Variants in KIF20A observed in about 807,000 individuals in gnomAD.
The protein encoded by KIF20A is kinesin family member 20A, also known as kinesin-like protein KIF20A.
In KIF20A, 66 loss-of-function variants were observed where a neutral mutation model predicts 113.0. The observed-to-expected ratio is 0.58, with a 90% confidence interval of 0.48 to 0.72. The LOEUF (loss-of-function observed/expected upper bound fraction) is 0.72, where lower values mean the gene tolerates loss of function less well. KIF20A is among the 30% of genes least tolerant of loss of function. The pLI, the probability that KIF20A is intolerant of heterozygous loss-of-function variation, is 0.00. For missense variants in KIF20A, 927 were observed against 1,077.6 expected (o/e 0.86, Z 1.96); for synonymous variants, 376 against 402.3 (o/e 0.93, Z 0.78).
In KIF20A at chr5:138,187,493, T is replaced by C; in HGVS notation, c.*80T>C. 1.7e-6 allele frequency: 2 copies of C among 1,144,760 alleles called. No homozygotes were observed. The highest frequency in any genetic ancestry group is 1.6e-5 in the South Asian group (1 of 62,534). The allele number at this position is 1,144,760 out of a possible 1,614,324, so 70.9% of individuals were successfully genotyped here. A position where few individuals can be genotyped will look rare whatever the true frequency, so the allele number is the denominator to read the frequency against. On this transcript the variant is annotated 3_prime_UTR_variant, in exon 19 of 19. Coordinates refer to ENST00000394894, the MANE Select transcript of KIF20A (RefSeq NM_005733.3). ...CTGAAGAAATAGGTCTCTTTTATGC[T>C]TTACCATATATCAGGAATTATATCC...
intron 2 of KIF20A, among the ~76,000 whole-genome samples, 180 bp downstream of exon 2, chr5:138,180,025 G>A (rs1747508178): frequency 6.6e-6 from 1 of 152,056 alleles, no homozygotes; most frequent in Non-Finnish European, 1.5e-5. Context: ...TTAAGGGCAT[G>A]ACAAGTAAAA....
At chr5:138,184,456 A>C in intron 12 of KIF20A, 52 bp downstream of exon 12, 1 of 1,612,244 alleles carries the variant, frequency 6.2e-7, no homozygotes, top group Non-Finnish European at 8.5e-7. Context: ...GGTAACTCTA[A>C]GAAAGCTCCT....
chr5:138,184,316 G>A lies in KIF20A; in HGVS notation c.1430G>A (p.Arg477His), dbSNP rs752101862. 36 of 1,614,144 alleles carry A rather than the reference G, an allele frequency of 2.2e-5. No homozygotes were observed. Among genetic ancestry groups the A allele is most frequent in the Non-Finnish European group, 2.8e-5 (33 of 1,180,018 alleles). ...CAAGGTTTCTTCACAGGCCGAGGCC[G>A]TTCCTGCATGATTGTCAATGTGAAT... Reference protein sequence around the residue: ...VFQGFFTGRGRSCMIVNVNPC... With the variant: ...VFQGFFTGRGHSCMIVNVNPC... The change falls in exon 12 of 19, where the codon CGT (arginine) becomes CAT (histidine). Residue 477 changes from arginine to histidine, a missense_variant. Physicochemically the swap from Arg to His is conservative, Grantham distance 29. Coordinates refer to ENST00000394894, the MANE Select transcript of KIF20A (RefSeq NM_005733.3).
Position 138,182,713 on chromosome 5 carries a change from C to G in KIF20A, c.642C>G (p.Ser214Arg), listed in dbSNP as rs541651528. Reference sequence around the variant, plus strand: ...CCAATGAGGTAATCTGGCTAGACAGCAAGCAGATCCGACAGGAGGAAATGA... The same window carrying G: ...CCAATGAGGTAATCTGGCTAGACAGGAAGCAGATCCGACAGGAGGAAATGA... ...LLSNEVIWLD[S>R]KQIRQEEMKK... The change falls in exon 6 of 19, where the codon AGC becomes AGG. Residue 214 changes from serine to arginine, a missense_variant. Ser to Arg is a moderately radical substitution (Grantham distance 110). Transcript: ENST00000394894. The G allele has an allele frequency of 6.2e-7, 1 of 1,614,050 alleles. No homozygotes were observed. The highest frequency in any genetic ancestry group is 1.3e-5 in the African/African-American group (1 of 75,028).
At position 138,183,415 on chromosome 5, in the gene KIF20A, A is replaced by G. The variant is rs1051651050; in HGVS notation, c.1027+52A>G. On this transcript the variant is annotated intron_variant, in intron 8 of 18. Transcript: ENST00000394894. This position sits in a 1 kb window ranked among gnomAD's most constrained non-coding sequence, Gnocchi z 5.2. ...TGAACCCTGGAGGGCAACTGGGGAG[A>G]GACTGGCAAAAGAGTTGGATGTTCC... The G allele has an allele frequency of 1.2e-6, 2 of 1,612,280 alleles. No individual in the cohort carries two copies. The highest frequency in any genetic ancestry group is 1.7e-6 in the Non-Finnish European group (2 of 1,178,404).
intron 11 of KIF20A, 47 bp from the exon 12 acceptor site, chr5:138,184,192 G>C: frequency 1.2e-6 from 2 of 1,611,114 alleles, no homozygotes; most frequent in Non-Finnish European, 1.7e-6. Context: ...GATACCCAAA[G>C]GGCTGGTGTT....
chr5:138,184,220 A>C lies in KIF20A; in HGVS notation c.1353-19A>C. ...CTGGTGTTCTGCTCACAGCTCTATT[A>C]TCTCTGATTCTCTGCCAGGTCAAAG... On this transcript the variant is annotated intron_variant, in intron 11 of 18. Coordinates refer to ENST00000394894, the MANE Select transcript of KIF20A (RefSeq NM_005733.3). 1 of 1,613,660 alleles carries C rather than the reference A, an allele frequency of 6.2e-7. No individual in the cohort carries two copies. The highest frequency in any genetic ancestry group is 8.5e-7 in the Non-Finnish European group (1 of 1,179,722).
At chr5:138,182,808 G>A in intron 6 of KIF20A, 35 bp downstream of exon 6, 2 of 1,613,586 alleles carry the variant, frequency 1.2e-6, no homozygotes, top group Non-Finnish European at 1.7e-6. Context: ...TGGGGGTAGG[G>A]GGTACAAATC....
At chr5:138,185,273 TA>T (rs1331596498) in intron 15 of KIF20A, 76 bp downstream of exon 15, 1 of 1,021,706 alleles carries the variant, frequency 9.8e-7, no homozygotes, top group African/African-American at 1.6e-5. Flanking sequence ...AGAGATTTTA[TA>T]AACTACTCCA....
Position 138,184,086 on chromosome 5 carries a change from C to T in KIF20A, c.1333C>T (p.Arg445Cys), listed in dbSNP as rs771283364. 8.7e-6 allele frequency: 14 copies of T among 1,614,148 alleles called. No individual in the cohort carries two copies. The highest frequency in any genetic ancestry group is 2.2e-5 in the East Asian group (1 of 44,880). Reference protein sequence around the residue: ...HTLGRCIAALRQNQQNRSKQN... With the variant: ...HTLGRCIAALCQNQQNRSKQN... Reference sequence around the variant, plus strand: ...CCTGGGCCGCTGTATTGCTGCCCTTCGTCAAAACCAGCAGAACCGGTGAGC... The same window carrying T: ...CCTGGGCCGCTGTATTGCTGCCCTTTGTCAAAACCAGCAGAACCGGTGAGC... The change falls in exon 11 of 19, where the codon CGT becomes TGT. Residue 445 changes from arginine (R) to cysteine (C), a missense_variant. Transcript: ENST00000394894.
In KIF20A at chr5:138,186,358, C is replaced by G. The variant is rs772658700; in HGVS notation, c.2282C>G (p.Ala761Gly). ...LGESLQSAERACCHSTGAGKL... is the reference protein window; with the variant it reads ...LGESLQSAERGCCHSTGAGKL... ...GAGTCTCTCCAATCAGCAGAGAGAG[C>G]TTGTTGCCACAGCACTGGGGCAGGA... Residue 761 changes from alanine (A) to glycine (G), a missense_variant, in exon 18 of 19, where the codon GCT (alanine) becomes GGT (glycine). Ala to Gly is a moderately conservative substitution (Grantham distance 60). Coordinates refer to ENST00000394894, the MANE Select transcript of KIF20A (RefSeq NM_005733.3). 1 of 1,605,786 alleles carries G rather than the reference C, an allele frequency of 6.2e-7. No homozygotes were observed. The highest frequency in any genetic ancestry group is 8.5e-7 in the Non-Finnish European group (1 of 1,178,210).
At position 138,184,059 on chromosome 5, in the gene KIF20A, AC is replaced by A; in HGVS notation, c.1309del (p.Leu437TrpfsTer28). The part of the protein sequence containing the change: ...EAGNINTSLH[T>X]LGRCIAALRQ... The stretch of plus-strand genomic sequence containing the variant: ...AGGAAACATTAACACCTCTCTACAC[AC>A]CCTGGGCCGCTGTATTGCTGCCCTT... On this transcript the variant is annotated frameshift_variant, in exon 11 of 19. Transcript: ENST00000394894. LOFTEE classifies it high-confidence loss of function. 6.2e-7 allele frequency: 1 copy of A among 1,613,982 alleles called. No homozygotes were observed. The highest frequency in any genetic ancestry group is 1.3e-5 in the African/African-American group (1 of 74,960).
In KIF20A at chr5:138,183,653, A is replaced by G; in HGVS notation, c.1140-35A>G. 1 of 1,610,866 alleles carries G rather than the reference A, an allele frequency of 6.2e-7. No homozygotes were observed. The highest frequency in any genetic ancestry group is 1.3e-5 in the African/African-American group (1 of 74,952). The stretch of plus-strand genomic sequence containing the variant: ...TTAGTCCTCTGCCTGGTCATGGAAA[A>G]TGTGCAATGACTTTTTGTTTTTCTT... On this transcript the variant is annotated intron_variant, in intron 9 of 18. Transcript: ENST00000394894. This position sits in a 1 kb window ranked among gnomAD's most constrained non-coding sequence, Gnocchi z 5.2.
At position 138,181,526 on chromosome 5, in the gene KIF20A, A is replaced by G. The variant is rs1286891195; in HGVS notation, c.255+15A>G. ...AGGAAGATCAGGTAAGTGTCTGAGA[A>G]GGGAGGATTCAAGGTGAAATGATGC... is the stretch of plus-strand genomic sequence containing the variant. On this transcript the variant is annotated intron_variant, in intron 3 of 18. Coordinates refer to ENST00000394894, the MANE Select transcript of KIF20A (RefSeq NM_005733.3). The G allele has an allele frequency of 6.2e-7, 1 of 1,614,004 alleles. No homozygotes were observed. Among genetic ancestry groups the G allele is most frequent in the East Asian group, 2.2e-5 (1 of 44,898 alleles).
In KIF20A at chr5:138,185,668, A is replaced by C; in HGVS notation, c.2083A>C (p.Lys695Gln). Reference sequence around the variant, plus strand: ...CCAGCAGCTTCAGGAGGTTAAAGCTAAATTACAGCAGTGCAAAGCAGAGCT... The same window carrying C: ...CCAGCAGCTTCAGGAGGTTAAAGCTCAATTACAGCAGTGCAAAGCAGAGCT... Reference protein sequence around the residue: ...STQQLQEVKAKLQQCKAELNS... With the variant: ...STQQLQEVKAQLQQCKAELNS... Residue 695 changes from lysine to glutamine, a missense_variant, in exon 16 of 19, where the codon AAA (lysine) becomes CAA (glutamine). Lys to Gln is a moderately conservative substitution (Grantham distance 53). Coordinates refer to ENST00000394894, the MANE Select transcript of KIF20A (RefSeq NM_005733.3). 6.2e-7 allele frequency: 1 copy of C among 1,614,194 alleles called. No individual in the cohort carries two copies. The highest frequency in any genetic ancestry group is 8.5e-7 in the Non-Finnish European group (1 of 1,180,016).
Position 138,183,529 on chromosome 5 carries a change from C to T in KIF20A, c.1087C>T (p.Arg363Cys), listed in dbSNP as rs202142584. Residue 363 changes from arginine to cysteine, a missense_variant, in exon 9 of 19, where the codon CGT becomes TGT. Transcript: ENST00000394894. This position sits in a 1 kb window ranked among gnomAD's most constrained non-coding sequence, Gnocchi z 5.2. ...GGCCTGGAAGCTCCTAAAAGTGGGT[C>T]GTAAGAACCAGAGCTTTGCCAGCAC... Reference protein sequence around the residue: ...EEAWKLLKVGRKNQSFASTHL... With the variant: ...EEAWKLLKVGCKNQSFASTHL... 7.8e-5 allele frequency: 126 copies of T among 1,613,968 alleles called. No homozygotes were observed. Among genetic ancestry groups the T allele is most frequent in the Middle Eastern group, 1.6e-4 (1 of 6,084 alleles).
In KIF20A at chr5:138,182,998, C is replaced by A. The variant is rs1754685518; in HGVS notation, c.832+8C>A. On this transcript the variant is annotated splice_region_variant and intron_variant, in intron 7 of 18. Transcript: ENST00000394894. ...GCAGTAGCCAGCTGGATGGTATGTA[C>A]CGTGACTGGGCTCTGCCAAAAAATA... 2 of 1,614,018 alleles carry A rather than the reference C, an allele frequency of 1.2e-6. No homozygotes were observed. Among genetic ancestry groups the A allele is most frequent in the Non-Finnish European group, 8.5e-7 (1 of 1,180,012 alleles).
intron 3 of KIF20A, 45 bp downstream of exon 3, chr5:138,181,556 C>CA: frequency 6.2e-7 from 1 of 1,614,014 alleles, no homozygotes; most frequent in Non-Finnish European, 8.5e-7. Flanking sequence ...TGATGCAGTA[C>CA]AAAAGATTCC....
chr5:138,185,751 G>C lies in KIF20A; in HGVS notation c.2125+41G>C, dbSNP rs374848532. Reference sequence around the variant, plus strand: ...GGCAGGAAACATAACAGTGGTTCAGGGAAGAGCTGTTACTTAAACCCAGGC... The same window carrying C: ...GGCAGGAAACATAACAGTGGTTCAGCGAAGAGCTGTTACTTAAACCCAGGC... On this transcript the variant is annotated intron_variant, in intron 16 of 18. Coordinates refer to ENST00000394894, the MANE Select transcript of KIF20A (RefSeq NM_005733.3). 2.4e-5 allele frequency: 38 copies of C among 1,597,050 alleles called. No homozygotes were observed. The East Asian group carries it at 6.0e-4, about 25-fold the overall frequency.
Sources: gnomAD v4.1 joint callset for allele counts (sites outside exome capture counted in the v4.1 genomes callset) on GRCh38, gnomAD v4.1.1 for gene constraint, Gnocchi (gnomAD v3.1) non-coding constraint, MANE v1.5 for transcripts, NCBI Gene and HGNC (gene_info 2026-07-23, HGNC 2026-07-21) for gene names.